Variants in NAA25 observed in about 807,000 individuals in gnomAD.
NAA25 encodes N-alpha-acetyltransferase 25, NatB auxiliary subunit.
NAA25 carries 30 observed loss-of-function variants against 132.5 expected under a neutral mutation model. That is an observed-to-expected ratio of 0.23 (90% CI 0.17 to 0.31). The LOEUF (loss-of-function observed/expected upper bound fraction) is 0.31, where lower values mean the gene tolerates loss of function less well. NAA25 is among the 10% of genes least tolerant of loss of function. The pLI, the probability that NAA25 is intolerant of heterozygous loss-of-function variation, is 1.00. For missense variants in NAA25, 771 were observed against 1,150.4 expected, an observed-to-expected ratio of 0.67 and a Z score of 4.77; for synonymous variants, 359 against 401.9, an observed-to-expected ratio of 0.89 and a Z score of 1.28.
At chr12:112,070,232 A>G (rs2078785348) in intron 10 of NAA25, among the ~76,000 whole-genome samples, 1 of 152,210 alleles carries the variant, frequency 6.6e-6, no homozygotes, top group Non-Finnish European at 1.5e-5. Context: ...CAAAATTGTG[A>G]ACTAGTACAA....
rs1474974949 is a variant in NAA25 at position 112,026,823 on chromosome 12, A to G, written c.*2708T>C. 2.6e-5 allele frequency: 4 copies of G among 152,290 alleles called. No individual in the cohort carries two copies. The highest frequency in any genetic ancestry group is 5.9e-5 in the Non-Finnish European group (4 of 68,034). 9.4% of individuals were successfully genotyped at this position (152,290 alleles called of 1,614,324 possible). On this transcript the variant is annotated 3_prime_UTR_variant, in exon 24 of 24. Transcript: ENST00000261745. ...CACATCAAATAAGTAGGAAGTTTCAATAACAAGCCTGTAGATACATTGAAA... is the reference window on the plus strand; with the variant it reads ...CACATCAAATAAGTAGGAAGTTTCAGTAACAAGCCTGTAGATACATTGAAA...
chr12:112,086,324 C>T (rs753421368), intron 4 of NAA25, among the ~76,000 whole-genome samples: 8 of 150,342 alleles, frequency 5.3e-5, no homozygotes, highest in Admixed American at 4.0e-4. Context: ...GGTAAAACCT[C>T]GCCTCTACTA....
chr12:112,084,542 G>A (rs78866396), intron 4 of NAA25, among the ~76,000 whole-genome samples: 14,416 of 150,730 alleles, frequency 0.096, 769 homozygotes, highest in East Asian at 0.23. Context: ...TGTAATCCCA[G>A]CACTTTGGGA....
intron 1 of NAA25, among the ~76,000 whole-genome samples, chr12:112,105,117 C>T (rs926692568): frequency 2.0e-5 from 3 of 151,630 alleles, no homozygotes; most frequent in African/African-American, 4.8e-5. Context: ...CTCAGGAGTT[C>T]GAGACCAGCC....
Position 112,039,258 on chromosome 12 carries a change from TTTTC to T in NAA25, c.2616_2619del (p.Lys873ArgfsTer27), listed in dbSNP as rs1301743529. ...ATGATGCTGGTTTCTTTTTTCTTCT[TTTTC>T]TTTTTCTGTAAATTTAGTTTGTATG... On this transcript the variant is annotated frameshift_variant, in exon 22 of 24. Coordinates refer to ENST00000261745, the MANE Select transcript of NAA25 (RefSeq NM_024953.4). LOFTEE classifies it high-confidence loss of function. 6.2e-7 allele frequency: 1 copy of T among 1,605,302 alleles called. No individual in the cohort carries two copies. The highest frequency in any genetic ancestry group is 8.5e-7 in the Non-Finnish European group (1 of 1,175,876).
chr12:112,104,890 A>T (rs1170493170), intron 1 of NAA25, among the ~76,000 whole-genome samples: 1 of 151,420 alleles, frequency 6.6e-6, no homozygotes, highest in Non-Finnish European at 1.5e-5. Context: ...ATGGTGGTGC[A>T]TGCCTGTAAC....
intron 11 of NAA25, chr12:112,065,756 G>T (rs894857433): frequency 6.6e-6 from 1 of 152,124 alleles, no homozygotes; most frequent in South Asian, 2.1e-4. Context: ...ACATCACCCA[G>T]GGCGAGCCAC....
intron 15 of NAA25, 48 bp from the exon 16 acceptor site, chr12:112,048,491 C>T (rs2136825176): frequency 2.0e-6 from 3 of 1,537,284 alleles, no homozygotes; most frequent in Non-Finnish European, 2.7e-6. Flanking sequence ...ACAAGTCAGG[C>T]AATGTAAGCA....
intron 23 of NAA25, 77 bp from the exon 24 acceptor site, chr12:112,029,730 A>G (rs1273290080): frequency 1.3e-6 from 2 of 1,560,844 alleles, no homozygotes; most frequent in Non-Finnish European, 1.7e-6. Context: ...GATAAAAGTT[A>G]AAGCTGCCAT....
rs777635344 is a variant in NAA25 at position 112,075,789 on chromosome 12, T to G, written c.665A>C (p.Glu222Ala). 1 of 1,613,102 alleles carries G rather than the reference T, an allele frequency of 6.2e-7. No individual in the cohort carries two copies. Among genetic ancestry groups the G allele is most frequent in the Non-Finnish European group, 8.5e-7 (1 of 1,179,132 alleles). ...ALDVIRGKLG[E>A]KLTSEIQSRE... ...ACTCTGAATCTCACTTGTCAACTTCTCTAAAATCAAAAGTTATAAAAGTTG... is the reference window on the plus strand; with the variant it reads ...ACTCTGAATCTCACTTGTCAACTTCGCTAAAATCAAAAGTTATAAAAGTTG... Residue 222 changes from glutamate to alanine, a missense_variant and splice_region_variant, in exon 8 of 24, where the codon GAG (glutamate) becomes GCG (alanine). Physicochemically the swap from Glu to Ala is moderately radical, Grantham distance 107. This residue lies in a region of NAA25 where 417 missense variants were observed against 733.8 expected (regional missense o/e 0.57). Transcript: ENST00000261745.
rs2078609670 is a variant in NAA25, at chr12:112,060,370, A to G, written c.1358-11T>C. On this transcript the variant is annotated splice_polypyrimidine_tract_variant and intron_variant, in intron 12 of 23. Coordinates refer to ENST00000261745, the MANE Select transcript of NAA25 (RefSeq NM_024953.4). Reference sequence around the variant, plus strand: ...TCAAACAGGTTTTCCCTATGGGGGAAAAAAATCATATCTATTTTAACATTT... The same window carrying G: ...TCAAACAGGTTTTCCCTATGGGGGAGAAAAATCATATCTATTTTAACATTT... 6.4e-7 allele frequency: 1 copy of G among 1,553,970 alleles called. No individual in the cohort carries two copies. Among genetic ancestry groups the G allele is most frequent in the Non-Finnish European group, 8.9e-7 (1 of 1,126,648 alleles).
intron 11 of NAA25, among the ~76,000 whole-genome samples, chr12:112,066,439 TAAGA>T (rs1304494892): frequency 6.6e-6 from 1 of 152,308 alleles, no homozygotes; most frequent in East Asian, 1.9e-4. Context: ...TTCTCACTAC[TAAGA>T]AAGATATTTT....
intron 4 of NAA25, among the ~76,000 whole-genome samples, chr12:112,083,490 G>A (rs934564891): frequency 6.6e-6 from 1 of 151,530 alleles, no homozygotes; most frequent in Non-Finnish European, 1.5e-5. Flanking sequence ...GTGCTGAATT[G>A]CACTCCAGCC....
intron 13 of NAA25, among the ~76,000 whole-genome samples, chr12:112,057,775 G>A (rs1195810169): frequency 6.6e-6 from 1 of 152,152 alleles, no homozygotes; most frequent in Non-Finnish European, 1.5e-5. Flanking sequence ...TGGATCACGA[G>A]GTCAAGAGAT....
chr12:112,096,791 C>A (rs2079218456), intron 1 of NAA25, among the ~76,000 whole-genome samples: 2 of 152,198 alleles, frequency 1.3e-5, no homozygotes. Flanking sequence ...ATGCTGATCT[C>A]ATTCTGAGTC....
intron 11 of NAA25, among the ~76,000 whole-genome samples, chr12:112,066,586 C>T (rs1188255601): frequency 6.6e-6 from 1 of 152,172 alleles, no homozygotes; most frequent in Non-Finnish European, 1.5e-5. Flanking sequence ...AACCTCTCCT[C>T]CACTCAACCA....
chr12:112,062,690 T>A (rs1233653229), intron 11 of NAA25, among the ~76,000 whole-genome samples: 1 of 149,952 alleles, frequency 6.7e-6, no homozygotes, highest in East Asian at 2.0e-4. Flanking sequence ...CGCACCACTG[T>A]ACTCCAGCCT....
chr12:112,060,399 C>A, intron 12 of NAA25, 40 bp from the exon 13 acceptor site: 1 of 1,380,050 alleles, frequency 7.2e-7, no homozygotes, highest in South Asian at 1.2e-5. Context: ...AACATTTGTT[C>A]AACTATTACT....
At chr12:112,062,887 C>A (rs1396794114) in intron 11 of NAA25, among the ~76,000 whole-genome samples, 3 of 151,672 alleles carry the variant, frequency 2.0e-5, no homozygotes, top group Non-Finnish European at 2.9e-5. Flanking sequence ...ACTAAAAAAA[C>A]AAACAAACAA....
Sources: allele counts gnomAD v4.1 joint callset (sites outside exome capture counted in the v4.1 genomes callset), GRCh38; gene constraint gnomAD v4.1.1; regional missense constraint gnomAD v4.1.1; transcripts MANE v1.5; gene names NCBI Gene and HGNC (gene_info 2026-07-23, HGNC 2026-07-21).